Variants in TENM2 observed in about 807,000 individuals in gnomAD.
TENM2 encodes teneurin transmembrane protein 2.
In TENM2, 52 loss-of-function variants were observed where a neutral mutation model predicts 245.2. The ratio of observed to expected loss-of-function variants is 0.21; its 90% CI spans 0.17 to 0.27. TENM2 has a LOEUF of 0.27. TENM2 is among the 10% of genes least tolerant of loss of function. The pLI, the probability that TENM2 is intolerant of heterozygous loss-of-function variation, is 1.00. For synonymous variants in TENM2, 1,363 were observed against 1,438.9 expected, an observed-to-expected ratio of 0.95 and a Z score of 1.19; for missense variants, 3,046 against 3,666.8, an observed-to-expected ratio of 0.83 and a Z score of 4.37.
chr5:168,164,685 A>C (rs544593433), intron 13 of TENM2, among the ~76,000 whole-genome samples: 37 of 152,184 alleles, frequency 2.4e-4, no homozygotes, highest in African/African-American at 8.4e-4. Flanking sequence ...GGGCCACCTA[A>C]TCTCCTAAGA....
chr5:167,136,323 G>C, the TENM2 span, among the ~76,000 whole-genome samples: 1 of 152,176 alleles, frequency 6.6e-6, no homozygotes, highest in Non-Finnish European at 1.5e-5. Flanking sequence ...CTAAGACAGT[G>C]AGTCCCACCA....
At chr5:167,647,336 G>A (rs1488975200) in intron 2 of TENM2, among the ~76,000 whole-genome samples, 1 of 152,036 alleles carries the variant, frequency 6.6e-6, no homozygotes, top group East Asian at 1.9e-4. Context: ...AAGAAAACGA[G>A]GATGGCCGGG....
At chr5:167,108,346 G>A in the TENM2 span, among the ~76,000 whole-genome samples, 3 of 152,036 alleles carry the variant, frequency 2.0e-5, no homozygotes, top group Admixed American at 2.0e-4. Context: ...GGCTGGTCTC[G>A]AACTGCTGAC....
At chr5:167,052,980 C>A in the TENM2 span, among the ~76,000 whole-genome samples, 16 of 152,212 alleles carry the variant, frequency 1.1e-4, no homozygotes, top group East Asian at 3.1e-3. Context: ...TTAAAATTCT[C>A]CAGTCTGGCT....
At chr5:167,814,835 C>G (rs919631650) in intron 2 of TENM2, among the ~76,000 whole-genome samples, 1 of 152,044 alleles carries the variant, frequency 6.6e-6, no homozygotes, top group African/African-American at 2.4e-5. Context: ...GAATTGAAGA[C>G]TAGATGAAAC....
At chr5:167,545,778 A>G (rs1169231717) in intron 2 of TENM2, among the ~76,000 whole-genome samples, 3 of 152,174 alleles carry the variant, frequency 2.0e-5, no homozygotes, top group African/African-American at 7.2e-5. Context: ...GGGCATAATA[A>G]TCTTAATTAT....
chr5:167,752,613 C>T (rs755930864), intron 2 of TENM2, among the ~76,000 whole-genome samples: 10 of 152,094 alleles, frequency 6.6e-5, no homozygotes, highest in Non-Finnish European at 1.2e-4. Flanking sequence ...AAACCATGAG[C>T]AAGAAAAATG....
chr5:167,027,768 A>T, the TENM2 span, among the ~76,000 whole-genome samples: 3 of 152,264 alleles, frequency 2.0e-5, no homozygotes, highest in Admixed American at 1.3e-4. Flanking sequence ...ATATTGTTTC[A>T]GATATCCATA....
intron 3 of TENM2, among the ~76,000 whole-genome samples, chr5:167,949,855 G>A (rs546694499): frequency 4.6e-5 from 7 of 152,138 alleles, no homozygotes; most frequent in African/African-American, 9.6e-5. Flanking sequence ...CCTGCACCTC[G>A]TTGGGAAATA....
chr5:167,340,327 T>C (rs1262424914), intron 1 of TENM2, among the ~76,000 whole-genome samples: 1 of 152,218 alleles, frequency 6.6e-6, no homozygotes, highest in Non-Finnish European at 1.5e-5. Flanking sequence ...TAATAAAATC[T>C]GTGTCACTTC....
chr5:167,321,653 C>A lies in TENM2; in HGVS notation c.226+36590C>A, dbSNP rs549373505. 2.0e-5 allele frequency among the ~76,000 whole-genome samples: 3 copies of A among 152,210 alleles called. No homozygotes were observed. In the East Asian group the frequency reaches 5.8e-4, roughly 29 times the overall value. The stretch of plus-strand genomic sequence containing the variant: ...AGGCTGGGGCAGCCAAAATATCCAT[C>A]CATCCCTGCTTTGTGTTATGCTTTC... On this transcript the variant is annotated intron_variant, in intron 1 of 28. Coordinates refer to ENST00000518659, the Ensembl canonical transcript of TENM2.
the TENM2 span, among the ~76,000 whole-genome samples, chr5:167,152,607 C>T: frequency 6.6e-6 from 1 of 152,080 alleles, no homozygotes; most frequent in Non-Finnish European, 1.5e-5. Context: ...CCTTCTTATT[C>T]CTGGGGGATA....
the TENM2 span, among the ~76,000 whole-genome samples, chr5:167,259,437 C>A: frequency 5.3e-5 from 8 of 152,146 alleles, no homozygotes; most frequent in African/African-American, 1.9e-4. Context: ...ACTAAAATAT[C>A]ATTTAAATAA....
intron 13 of TENM2, among the ~76,000 whole-genome samples, chr5:168,174,500 G>C (rs1038017801): frequency 3.3e-5 from 5 of 152,176 alleles, no homozygotes; most frequent in African/African-American, 7.2e-5. Context: ...CACCTGGAAG[G>C]CTTCAGGCAC....
intron 1 of TENM2, among the ~76,000 whole-genome samples, chr5:167,373,705 AC>A (rs911684765): frequency 1.3e-5 from 2 of 152,244 alleles, no homozygotes; most frequent in African/African-American, 4.8e-5. Flanking sequence ...TAGAAGCAGC[AC>A]AAGTTGGGAG....
intron 23 of TENM2, among the ~76,000 whole-genome samples, chr5:168,223,659 G>T (rs553314942): frequency 6.6e-6 from 1 of 151,952 alleles, no homozygotes; most frequent in African/African-American, 2.4e-5. Context: ...TAGAGACAGG[G>T]TTTCACCATG....
At chr5:167,926,443 G>A (rs1777765702) in intron 3 of TENM2, among the ~76,000 whole-genome samples, 1 of 152,204 alleles carries the variant, frequency 6.6e-6, no homozygotes, top group Non-Finnish European at 1.5e-5. Context: ...TTCTTAGCCA[G>A]GCAAGGTGGC....
At chr5:168,002,198 T>G (rs1272152811) in intron 5 of TENM2, among the ~76,000 whole-genome samples, 1 of 152,212 alleles carries the variant, frequency 6.6e-6, no homozygotes, top group Non-Finnish European at 1.5e-5. Flanking sequence ...TGACTTTCTT[T>G]GCAGTTGTTA....
At chr5:167,307,685 A>G (rs1232555161) in intron 1 of TENM2, among the ~76,000 whole-genome samples, 1 of 152,212 alleles carries the variant, frequency 6.6e-6, no homozygotes, top group African/African-American at 2.4e-5. Flanking sequence ...CCTGCTGGTG[A>G]GGTCCATTGT....
Sources: allele counts gnomAD v4.1 joint callset (sites outside exome capture counted in the v4.1 genomes callset), GRCh38; gene constraint gnomAD v4.1.1; transcripts MANE v1.5; gene names NCBI Gene and HGNC (gene_info 2026-07-23, HGNC 2026-07-21).